Variants in NCOA7 observed in about 807,000 individuals in gnomAD.
NCOA7 encodes the protein nuclear receptor coactivator 7.
Under a neutral mutation model 104.3 loss-of-function variants are expected in NCOA7, and 45 were observed. That is an observed-to-expected ratio of 0.43 (90% CI 0.34 to 0.55). The LOEUF (loss-of-function observed/expected upper bound fraction) is 0.55, where lower values mean the gene tolerates loss of function less well. Ranked by LOEUF, NCOA7 falls within the 20% of genes least tolerant of loss-of-function variation. The probability of loss-of-function intolerance (pLI) is 0.02; values close to 1 mark genes in which losing one functional copy is unlikely to be tolerated. For missense variants in NCOA7, 1,041 were observed against 1,119.7 expected (o/e 0.93, Z 1.00); for synonymous variants, 398 against 402.3 (o/e 0.99, Z 0.13).
intron 10 of NCOA7, among the ~76,000 whole-genome samples, chr6:125,907,998 A>T (rs1786184673): frequency 6.6e-6 from 1 of 152,160 alleles, no homozygotes; most frequent in Non-Finnish European, 1.5e-5. Flanking sequence ...CTCCAGTGGT[A>T]AGTCCCAAGA....
chr6:125,921,445 G>T (rs1787578056), intron 12 of NCOA7, among the ~76,000 whole-genome samples: 2 of 151,864 alleles, frequency 1.3e-5, no homozygotes, highest in African/African-American at 4.8e-5. Context: ...GAATGCATTT[G>T]CCCTTCTCAC....
In NCOA7 at chr6:125,872,343, A is replaced by G. The variant is rs144448430; in HGVS notation, c.272-2546A>G. Among the ~76,000 whole-genome samples, 683 of 152,350 alleles carry G rather than the reference A, an allele frequency of 4.5e-3. 5 individuals are homozygous for G. Among genetic ancestry groups the G allele is most frequent in the African/African-American group, 0.016 (654 of 41,590 alleles). On this transcript the variant is annotated intron_variant, in intron 3 of 15. Transcript: ENST00000392477. The stretch of plus-strand genomic sequence containing the variant: ...CTCCCCATTGGGACCAGAGATATCT[A>G]GCTACAGCTTATGGAAGGGCGTTGG...
intron 1 of NCOA7, among the ~76,000 whole-genome samples, chr6:125,813,449 AT>A (rs36073060): frequency 0.021 from 2,827 of 135,654 alleles, 49 homozygotes; most frequent in African/African-American, 0.055. Flanking sequence ...GGGAAATGCA[AT>A]TTTTTTTTTT....
At chr6:125,801,617 G>A (rs563747212) in intron 1 of NCOA7, among the ~76,000 whole-genome samples, 51 of 152,160 alleles carry the variant, frequency 3.4e-4, no homozygotes, top group Non-Finnish European at 7.1e-4. Context: ...CCGTGTTCCC[G>A]CTGAAACTGG....
intron 2 of NCOA7, among the ~76,000 whole-genome samples, chr6:125,816,105 A>G (rs1406674093): frequency 6.6e-6 from 1 of 152,238 alleles, no homozygotes; most frequent in Non-Finnish European, 1.5e-5. Flanking sequence ...ATTGAAATAC[A>G]TGTTAAGAAC....
chr6:125,805,610 AATTGAG>A (rs1395649544), intron 1 of NCOA7, among the ~76,000 whole-genome samples: 1 of 152,244 alleles, frequency 6.6e-6, no homozygotes, highest in Non-Finnish European at 1.5e-5. Flanking sequence ...ATCTGGAAAG[AATTGAG>A]ATTAACTCCC....
chr6:125,788,801 C>T (rs1467048759), upstream of NCOA7, among the ~76,000 whole-genome samples: 1 of 151,634 alleles, frequency 6.6e-6, no homozygotes, highest in Non-Finnish European at 1.5e-5. Context: ...CTCGGCCTCC[C>T]AAAGTGCTGG....
At chr6:125,919,748 G>A (rs9491535) in intron 11 of NCOA7, among the ~76,000 whole-genome samples, 23,116 of 151,980 alleles carry the variant, frequency 0.15, 1,915 homozygotes, top group East Asian at 0.24. Flanking sequence ...TTTTCACTAC[G>A]GAAACACTCC....
chr6:125,815,306 A>T lies in NCOA7; in HGVS notation c.-49A>T. 1 of 1,450,894 alleles carries T rather than the reference A, an allele frequency of 6.9e-7. No homozygotes were observed. Among genetic ancestry groups the T allele is most frequent in the Non-Finnish European group, 9.5e-7 (1 of 1,049,008 alleles). 89.9% of individuals were successfully genotyped at this position (1,450,894 alleles called of 1,614,324 possible). On this transcript the variant is annotated 5_prime_UTR_variant, in exon 2 of 16. Coordinates refer to ENST00000392477, the MANE Select transcript of NCOA7 (RefSeq NM_181782.5). ...TTTCTTACAGGGTTACGACTCACTG[A>T]TTAAAAAGAGGGACTTTTTCAAATA...
chr6:125,923,477 A>G (rs559790192), intron 13 of NCOA7, among the ~76,000 whole-genome samples: 9 of 152,298 alleles, frequency 5.9e-5, no homozygotes, highest in African/African-American at 2.2e-4. Flanking sequence ...TCAGCTCAGA[A>G]TGGGAGTGGA....
At chr6:125,861,122 G>C (rs1562930891) in intron 3 of NCOA7, among the ~76,000 whole-genome samples, 1 of 152,100 alleles carries the variant, frequency 6.6e-6, no homozygotes, top group South Asian at 2.1e-4. Context: ...TCAAATCATA[G>C]TTTTCCCTCC....
chr6:125,908,933 T>C (rs946099504), intron 10 of NCOA7, among the ~76,000 whole-genome samples: 2 of 152,248 alleles, frequency 1.3e-5, no homozygotes, highest in African/African-American at 4.8e-5. Flanking sequence ...AAATCTGTGA[T>C]TGATTCTTCA....
intron 13 of NCOA7, among the ~76,000 whole-genome samples, chr6:125,925,849 C>G (rs1787976030): frequency 6.6e-6 from 1 of 151,998 alleles, no homozygotes; most frequent in Admixed American, 6.6e-5. Context: ...ATAGGCTGAA[C>G]AACACTATTA....
chr6:125,810,801 A>G (rs1308210616), intron 1 of NCOA7, among the ~76,000 whole-genome samples: 1 of 152,198 alleles, frequency 6.6e-6, no homozygotes, highest in Non-Finnish European at 1.5e-5. Flanking sequence ...AGGGAATACA[A>G]AAATTTCCAG....
At position 125,879,097 on chromosome 6, in the gene NCOA7, C is replaced by T. The variant is rs1409911224; in HGVS notation, c.459+727C>T. Among the ~76,000 whole-genome samples the T allele has an allele frequency of 3.3e-5, 5 of 152,172 alleles. No homozygotes were observed. The East Asian group carries it at 9.6e-4, about 29-fold the overall frequency. On this transcript the variant is annotated intron_variant, in intron 5 of 15. Coordinates refer to ENST00000392477, the MANE Select transcript of NCOA7 (RefSeq NM_181782.5). Reference sequence around the variant, plus strand: ...TGGGAAAAACATCATCCATCCATTACTCTAGTTTAGCTATATAAGATAAAT... The same window carrying T: ...TGGGAAAAACATCATCCATCCATTATTCTAGTTTAGCTATATAAGATAAAT...
Position 125,889,036 on chromosome 6 carries a change from A to G in NCOA7, c.982A>G (p.Ile328Val), listed in dbSNP as rs1784439094. The change falls in exon 9 of 16, where the codon ATC becomes GTC. Residue 328 changes from isoleucine (I) to valine (V), a missense_variant. Ile to Val is a conservative substitution (Grantham distance 29). Transcript: ENST00000392477. Reference protein sequence around the residue: ...DINPFSKFKSINKEKRQQNGE... With the variant: ...DINPFSKFKSVNKEKRQQNGE... ...CAACCCATTCAGTAAGTTCAAATCT[A>G]TCAACAAGGAAAAACGACAGCAGAA... 1 of 1,614,156 alleles carries G rather than the reference A, an allele frequency of 6.2e-7. No individual in the cohort carries two copies. The highest frequency in any genetic ancestry group is 8.5e-7 in the Non-Finnish European group (1 of 1,179,978).
intron 10 of NCOA7, 67 bp downstream of exon 10, chr6:125,890,877 A>T: frequency 7.5e-7 from 1 of 1,329,330 alleles, no homozygotes; most frequent in Non-Finnish European, 1.0e-6. Flanking sequence ...GATATTCTTT[A>T]TCTTAAAATA....
At chr6:125,928,059 C>T (rs2128704017) in intron 14 of NCOA7, 115 bp from the exon 15 acceptor site, 1 of 1,003,302 alleles carries the variant, frequency 1.0e-6, no homozygotes, top group South Asian at 1.4e-5. Flanking sequence ...CAGGAACTTC[C>T]TCCGTCAATG....
chr6:125,804,104 T>C (rs892174498), intron 1 of NCOA7, among the ~76,000 whole-genome samples: 9 of 152,206 alleles, frequency 5.9e-5, no homozygotes, highest in Non-Finnish European at 2.9e-5. Flanking sequence ...GATTGAGTTC[T>C]GTACCAGTCT....
Sources: gnomAD v4.1 joint callset for allele counts (sites outside exome capture counted in the v4.1 genomes callset) on GRCh38, gnomAD v4.1.1 for gene constraint, MANE v1.5 for transcripts, NCBI Gene and HGNC (gene_info 2026-07-23, HGNC 2026-07-21) for gene names.